Variants in C11orf65 observed in about 807,000 individuals in gnomAD.
C11orf65 encodes the protein protein MFI.
C11orf65 carries 38 observed loss-of-function variants against 35.3 expected under a neutral mutation model. That is an observed-to-expected ratio of 1.08 (90% CI 0.83 to 1.41). C11orf65 has a LOEUF of 1.41. Ranked by LOEUF, C11orf65 falls within the 40% of genes most tolerant of loss-of-function variation. The pLI, the probability that C11orf65 is intolerant of heterozygous loss-of-function variation, is 0.00. For synonymous variants in C11orf65, 105 were observed against 114.4 expected, an observed-to-expected ratio of 0.92 and a Z score of 0.53; for missense variants, 370 against 367.1, an observed-to-expected ratio of 1.01 and a Z score of -0.06.
intron 3 of C11orf65, among the ~76,000 whole-genome samples, chr11:108,419,897 C>T (rs2092790630): frequency 6.6e-6 from 1 of 152,156 alleles, no homozygotes; most frequent in African/African-American, 2.4e-5. Context: ...ACTGAAGGCT[C>T]TAGCCAGTGT....
chr11:108,448,161 A>G (rs1057003434), intron 2 of C11orf65, among the ~76,000 whole-genome samples: 2 of 151,904 alleles, frequency 1.3e-5, no homozygotes, highest in East Asian at 1.9e-4. Context: ...CAACCAAAAA[A>G]AGTCCAGGAC....
intron 6 of C11orf65, among the ~76,000 whole-genome samples, chr11:108,399,252 T>C (rs941505006): frequency 1.3e-5 from 2 of 152,150 alleles, no homozygotes; most frequent in African/African-American, 2.4e-5. Context: ...AGGACAAAAA[T>C]ATATTTTGTA....
intron 3 of C11orf65, among the ~76,000 whole-genome samples, chr11:108,418,544 C>T (rs2092772897): frequency 6.6e-6 from 1 of 151,930 alleles, no homozygotes; most frequent in Non-Finnish European, 1.5e-5. Context: ...TCCTTAAATA[C>T]ATATACCAGA....
chr11:108,374,024 A>C (rs551576009), intron 2 of C11orf65, among the ~76,000 whole-genome samples: 1 of 152,348 alleles, frequency 6.6e-6, no homozygotes, highest in East Asian at 1.9e-4. Flanking sequence ...GCAGCCGGGA[A>C]GCTCCAACTG....
chr11:108,395,416 C>G (rs1271885109), intron 6 of C11orf65, among the ~76,000 whole-genome samples: 1 of 151,630 alleles, frequency 6.6e-6, no homozygotes, highest in Non-Finnish European at 1.5e-5. Context: ...CCTCCACCTC[C>G]CGGGTTCAAG....
At chr11:108,437,575 A>C (rs1044572353) in intron 2 of C11orf65, among the ~76,000 whole-genome samples, 2 of 151,310 alleles carry the variant, frequency 1.3e-5, no homozygotes, top group East Asian at 2.0e-4. Context: ...ATGGTGGCGC[A>C]TGTCTGTAGT....
intron 3 of C11orf65, among the ~76,000 whole-genome samples, chr11:108,420,133 A>G (rs1247203883): frequency 3.2e-3 from 5 of 1,556 alleles, no homozygotes; most frequent in Admixed American, 0.019. Flanking sequence ...AAATTTTGTA[A>G]TTAACCATTT....
chr11:108,467,513 T>A lies in C11orf65; in HGVS notation c.-52A>T, dbSNP rs947265220. Reference sequence around the variant, plus strand: ...GGCGCCGCTGGACTCCTAGGTAACGTCGCAGGCGGAAATGACGTAACTCAA... The same window carrying A: ...GGCGCCGCTGGACTCCTAGGTAACGACGCAGGCGGAAATGACGTAACTCAA... On this transcript the variant is annotated 5_prime_UTR_variant, in exon 1 of 9. Coordinates refer to ENST00000393084, the MANE Select transcript of C11orf65 (RefSeq NM_152587.5). 1 of 152,294 alleles carries A rather than the reference T, an allele frequency of 6.6e-6. No individual in the cohort carries two copies. The highest frequency in any genetic ancestry group is 2.4e-5 in the African/African-American group (1 of 41,424). 9.4% of individuals were successfully genotyped at this position (152,294 alleles called of 1,614,324 possible). A position where few individuals can be genotyped will look rare whatever the true frequency, so the allele number is the denominator to read the frequency against.
At chr11:108,427,431 A>C (rs2135383942) in intron 3 of C11orf65, among the ~76,000 whole-genome samples, 1 of 59,984 alleles carries the variant, frequency 1.7e-5, no homozygotes, top group Non-Finnish European at 3.0e-5. Flanking sequence ...AACATATTTT[A>C]AAAAGCTCGG....
chr11:108,358,175 A>G (rs1305949354), intron 2 of C11orf65, among the ~76,000 whole-genome samples: 2 of 151,802 alleles, frequency 1.3e-5, no homozygotes, highest in Non-Finnish European at 2.9e-5. Flanking sequence ...CGATGCGATC[A>G]ACTGGAAGAA....
At chr11:108,411,614 A>G (rs911272674) in intron 3 of C11orf65, among the ~76,000 whole-genome samples, 3 of 152,110 alleles carry the variant, frequency 2.0e-5, no homozygotes, top group Non-Finnish European at 4.4e-5. Flanking sequence ...GATGATTACT[A>G]TATTTCTTCT....
rs1436586596 is a variant in C11orf65, at chr11:108,377,501, A to G, written c.226+15707T>C. 1.2e-4 allele frequency among the ~76,000 whole-genome samples: 18 copies of G among 152,300 alleles called. No individual in the cohort carries two copies. In the South Asian group the frequency reaches 3.7e-3, roughly 32 times the overall value. On this transcript the variant is annotated intron_variant, in intron 2 of 3. Transcript: ENST00000524755. ...TATCTCAAAATAATAAGAGCTATCT[A>G]TGACAGTCCCACAGCCAATATCATA...
chr11:108,407,415 G>A (rs2092562073), intron 3 of C11orf65, among the ~76,000 whole-genome samples: 1 of 150,054 alleles, frequency 6.7e-6, no homozygotes, highest in African/African-American at 2.5e-5. Context: ...GGGCTCAAGC[G>A]ATGCTCCCAT....
chr11:108,365,693 A>G, intron 2 of C11orf65: 1 of 746,650 alleles, frequency 1.3e-6, no homozygotes, highest in South Asian at 1.9e-5. Flanking sequence ...GTCTTAAGGA[A>G]CATCTCTGCT....
intron 2 of C11orf65, among the ~76,000 whole-genome samples, chr11:108,433,248 T>C (rs1424703153): frequency 2.0e-5 from 3 of 149,290 alleles, no homozygotes; most frequent in African/African-American, 7.3e-5. Context: ...AATTTATATA[T>C]ATATATCTCT....
chr11:108,372,993 TC>T (rs781324182), intron 2 of C11orf65, among the ~76,000 whole-genome samples: 2 of 151,824 alleles, frequency 1.3e-5, no homozygotes, highest in Non-Finnish European at 2.9e-5. Flanking sequence ...GGCACAAGAA[TC>T]ACTTGAACCC....
At chr11:108,447,322 G>T (rs2093277853) in intron 2 of C11orf65, among the ~76,000 whole-genome samples, 1 of 152,010 alleles carries the variant, frequency 6.6e-6, no homozygotes, top group South Asian at 2.1e-4. Flanking sequence ...CAAATCAACA[G>T]AATATACATT....
At chr11:108,456,296 G>C (rs1591608205) in intron 2 of C11orf65, among the ~76,000 whole-genome samples, 1 of 152,130 alleles carries the variant, frequency 6.6e-6, no homozygotes, top group South Asian at 2.1e-4. Flanking sequence ...AAAGGTATTT[G>C]ATCAGTTGGA....
chr11:108,371,363 T>C (rs529653523), intron 2 of C11orf65, among the ~76,000 whole-genome samples: 60 of 152,314 alleles, frequency 3.9e-4, no homozygotes, highest in Middle Eastern at 6.8e-3. Context: ...TAAAATTCTA[T>C]ACCCATTAAA....
Sources: allele counts gnomAD v4.1 joint callset (sites outside exome capture counted in the v4.1 genomes callset), GRCh38; gene constraint gnomAD v4.1.1; transcripts MANE v1.5; gene names NCBI Gene and HGNC (gene_info 2026-07-23, HGNC 2026-07-21).